TAB2: variants seen among roughly 807,000 people sequenced by gnomAD.
TAB2 encodes TGF-beta activated kinase 1 (MAP3K7) binding protein 2.
TAB2 carries 3 observed loss-of-function variants against 65.0 expected under a neutral mutation model. The ratio of observed to expected loss-of-function variants is 0.05; its 90% CI spans 0.02 to 0.12. The LOEUF (loss-of-function observed/expected upper bound fraction) is 0.12, where lower values mean the gene tolerates loss of function less well. Ranked by LOEUF, TAB2 falls within the 10% of genes least tolerant of loss-of-function variation. TAB2 has a pLI of 1.00. For missense variants in TAB2, 623 were observed against 840.3 expected (o/e 0.74, Z 3.20); for synonymous variants, 298 against 285.1 (o/e 1.05, Z -0.46).
Position 149,372,307 on chromosome 6 carries a change from T to C in TAB2, c.102+2208T>C, listed in dbSNP as rs1055705756. 11 of 152,202 alleles carry C rather than the reference T, an allele frequency of 7.2e-5. No homozygotes were observed. The South Asian group carries it at 8.3e-4, about 11-fold the overall frequency. The allele number at this position is 152,202 out of a possible 1,614,324, so 9.4% of individuals were successfully genotyped here. A position where few individuals can be genotyped will look rare whatever the true frequency, so the allele number is the denominator to read the frequency against. On this transcript the variant is annotated intron_variant, in intron 2 of 6. Coordinates refer to ENST00000637181, the MANE Select transcript of TAB2 (RefSeq NM_001292034.3). ...ACAAATAAATATTTACACATCCATG[T>C]ATTTGTCTCTGTTTGCATAAAGAAA...
At chr6:149,259,494 G>T (rs545980918) in intron 1 of TAB2, among the ~76,000 whole-genome samples, 1 of 152,156 alleles carries the variant, frequency 6.6e-6, no homozygotes, top group East Asian at 1.9e-4. Flanking sequence ...CTGTCAGAAT[G>T]TTCCATCTCC....
chr6:149,403,339 TACAC>T lies in TAB2; in HGVS notation c.1939+4187_1939+4190del, dbSNP rs71010866. The stretch of plus-strand genomic sequence containing the variant: ...ACACACACATATATATACATATATA[TACAC>T]ACACACACACACACACACACACACA... On this transcript the variant is annotated intron_variant, in intron 6 of 6. Coordinates refer to ENST00000637181, the MANE Select transcript of TAB2 (RefSeq NM_001292034.3). Among the ~76,000 whole-genome samples, 869 of 105,702 alleles carry T rather than the reference TACAC, an allele frequency of 8.2e-3. 10 individuals are homozygous for T. Among genetic ancestry groups the T allele is most frequent in the Middle Eastern group, 0.019 (4 of 216 alleles). 69.3% of individuals were successfully genotyped at this position (105,702 alleles called of 152,430 possible). A position where few individuals can be genotyped will look rare whatever the true frequency, so the allele number is the denominator to read the frequency against.
At chr6:149,340,094 C>T (rs1166307862) in intron 1 of TAB2, among the ~76,000 whole-genome samples, 2 of 152,110 alleles carry the variant, frequency 1.3e-5, no homozygotes, top group African/African-American at 4.8e-5. Context: ...AGGCTCCTTT[C>T]AACATCAAAT....
At chr6:149,255,671 A>G (rs1028339951) in intron 1 of TAB2, among the ~76,000 whole-genome samples, 1 of 152,220 alleles carries the variant, frequency 6.6e-6, no homozygotes, top group Non-Finnish European at 1.5e-5. Flanking sequence ...TGTATTCTAG[A>G]TTGATTAGCT....
chr6:149,341,184 A>G (rs938369985), intron 1 of TAB2, among the ~76,000 whole-genome samples: 3 of 152,258 alleles, frequency 2.0e-5, no homozygotes, highest in South Asian at 2.1e-4. Context: ...AGAGAATTAC[A>G]TGTCTTCTTG....
chr6:149,376,433 A>G (rs1409433959), intron 2 of TAB2, among the ~76,000 whole-genome samples: 1 of 152,198 alleles, frequency 6.6e-6, no homozygotes, highest in Non-Finnish European at 1.5e-5. Flanking sequence ...TTTCAATACA[A>G]ATATTTAGCT....
At chr6:149,367,937 T>C (rs1354289826) in intron 1 of TAB2, among the ~76,000 whole-genome samples, 1 of 152,112 alleles carries the variant, frequency 6.6e-6, no homozygotes, top group East Asian at 1.9e-4. Context: ...AGATGTCAGT[T>C]AGCCAGTTGG....
intron 1 of TAB2, among the ~76,000 whole-genome samples, chr6:149,297,665 T>C (rs1778900858): frequency 6.6e-6 from 1 of 152,138 alleles, no homozygotes; most frequent in Admixed American, 6.6e-5. Context: ...GCTAGGACTA[T>C]AGGGGTATGC....
chr6:149,366,435 C>T (rs1003868978), intron 1 of TAB2, among the ~76,000 whole-genome samples: 2 of 152,128 alleles, frequency 1.3e-5, no homozygotes, highest in Admixed American at 1.3e-4. Flanking sequence ...CTGTGATTTA[C>T]TCACTAAGCT....
chr6:149,282,475 AAAC>A (rs1483292676), intron 1 of TAB2, among the ~76,000 whole-genome samples: 1 of 152,140 alleles, frequency 6.6e-6, no homozygotes, highest in Non-Finnish European at 1.5e-5. Context: ...CATTCTCCCC[AAAC>A]AACAACAAAA....
intron 1 of TAB2, among the ~76,000 whole-genome samples, chr6:149,248,478 AAG>A (rs1453236884): frequency 6.8e-6 from 1 of 148,088 alleles, no homozygotes; most frequent in African/African-American, 2.5e-5. Context: ...GAAAGAAAGA[AAG>A]AAAGAGAGAG....
intron 1 of TAB2, among the ~76,000 whole-genome samples, chr6:149,226,436 C>T (rs895703944): frequency 6.6e-6 from 1 of 152,210 alleles, no homozygotes; most frequent in Non-Finnish European, 1.5e-5. Flanking sequence ...TCTCCAATCC[C>T]TATTCCGTGG....
At chr6:149,260,407 G>A (rs1778129165) in intron 1 of TAB2, among the ~76,000 whole-genome samples, 1 of 152,212 alleles carries the variant, frequency 6.6e-6, no homozygotes, top group African/African-American at 2.4e-5. Flanking sequence ...GCCTTACCGG[G>A]CATTTGCTCA....
chr6:149,358,640 C>CTG (rs370116039), intron 1 of TAB2, among the ~76,000 whole-genome samples: 1,990 of 121,734 alleles, frequency 0.016, 35 homozygotes, highest in African/African-American at 0.045. Context: ...CTTCAGAACT[C>CTG]TGTGTGTGTG....
chr6:149,291,871 A>G (rs1220232419), intron 1 of TAB2, among the ~76,000 whole-genome samples: 1 of 152,196 alleles, frequency 6.6e-6, no homozygotes, highest in African/African-American at 2.4e-5. Flanking sequence ...TAAAAAAACA[A>G]AAAACAAACA....
In TAB2 at chr6:149,237,988, C is replaced by G. The variant is rs531111606; in HGVS notation, c.-121+19212C>G. Among the ~76,000 whole-genome samples, 6 of 152,336 alleles carry G rather than the reference C, an allele frequency of 3.9e-5. No homozygotes were observed. In the South Asian group the frequency reaches 1.2e-3, roughly 32 times the overall value. On this transcript the variant is annotated intron_variant, in intron 1 of 1. Transcript: ENST00000606202. ...GTGTGCACCCCACACTCAGCGTTCC[C>G]ATAGCACTTTGTTCCTTTTTCCTCT...
upstream of TAB2, among the ~76,000 whole-genome samples, chr6:149,316,066 CAATT>C (rs1202677284): frequency 1.3e-5 from 2 of 152,126 alleles, no homozygotes; most frequent in African/African-American, 2.4e-5. Flanking sequence ...ATTATTTAAT[CAATT>C]ATTTTATCAT....
intron 1 of TAB2, among the ~76,000 whole-genome samples, chr6:149,252,759 A>C (rs1777887536): frequency 6.6e-6 from 1 of 152,208 alleles, no homozygotes. Context: ...TCCACTCACC[A>C]GACAGAATAT....
chr6:149,398,097 G>A (rs184894482), intron 5 of TAB2, 35 bp downstream of exon 5: 34 of 1,566,334 alleles, frequency 2.2e-5, no homozygotes, highest in East Asian at 9.0e-5. Context: ...GAAATTCATC[G>A]TATTTAATTC....
Sources: allele counts gnomAD v4.1 joint callset (sites outside exome capture counted in the v4.1 genomes callset), GRCh38; gene constraint gnomAD v4.1.1; transcripts MANE v1.5; gene names NCBI Gene and HGNC (gene_info 2026-07-23, HGNC 2026-07-21).